PROX2: variants seen among roughly 807,000 people sequenced by gnomAD.
The protein encoded by PROX2 is prospero homeobox 2.
PROX2 carries 46 observed loss-of-function variants against 48.9 expected under a neutral mutation model. The ratio of observed to expected loss-of-function variants is 0.94; its 90% CI spans 0.74 to 1.20. The LOEUF (loss-of-function observed/expected upper bound fraction) is 1.20. PROX2 is among the 50% of genes most tolerant of loss of function. The pLI, the probability that PROX2 is intolerant of heterozygous loss-of-function variation, is 0.00. For synonymous variants in PROX2, 260 were observed against 276.6 expected (o/e 0.94, Z 0.60); for missense variants, 663 against 719.4 (o/e 0.92, Z 0.90).
chr14:74,856,762 A>G, intron 5 of PROX2, 39 bp downstream of exon 5: 1 of 1,542,204 alleles, frequency 6.5e-7, no homozygotes, highest in Non-Finnish European at 9.0e-7. Flanking sequence ...TAGGGAAGAC[A>G]CTCATCAGAT....
intron 3 of PROX2, chr14:74,861,145 AG>A: frequency 8.3e-7 from 1 of 1,206,736 alleles, no homozygotes; most frequent in Non-Finnish European, 1.1e-6. Flanking sequence ...CATGGTAATG[AG>A]CTGGTCCCAC....
In PROX2 at chr14:74,854,366, A is replaced by T. The variant is rs546407255; in HGVS notation, c.*766T>A. 7.2e-5 allele frequency: 24 copies of T among 334,402 alleles called. No homozygotes were observed. In the East Asian group the frequency reaches 2.1e-3, roughly 29 times the overall value. 20.7% of individuals were successfully genotyped at this position (334,402 alleles called of 1,614,324 possible). A position where few individuals can be genotyped will look rare whatever the true frequency, so the allele number is the denominator to read the frequency against. ...GAAGTGCTCCTAAGTGCTGGGCAGG[A>T]GTTGTCAGGTGACGGTGCCCTGTCA... On this transcript the variant is annotated 3_prime_UTR_variant, in exon 6 of 6. Transcript: ENST00000556489.
chr14:74,859,615 T>G (rs981491965), intron 3 of PROX2, among the ~76,000 whole-genome samples: 2 of 152,226 alleles, frequency 1.3e-5, no homozygotes, highest in African/African-American at 4.8e-5. Context: ...CAAATACGCT[T>G]TGCATTTTTA....
intron 2 of PROX2, among the ~76,000 whole-genome samples, chr14:74,865,912 G>A (rs1883047393): frequency 6.6e-6 from 1 of 152,112 alleles, no homozygotes; most frequent in Admixed American, 6.5e-5. Flanking sequence ...CCCTGGATAT[G>A]TTAAATTTGA....
intron 3 of PROX2, chr14:74,861,244 T>A: frequency 7.4e-7 from 1 of 1,352,206 alleles, no homozygotes. Context: ...CATCAGCTTC[T>A]GGAGATTCCC....
chr14:74,869,751 T>C (rs1461200613), intron 2 of PROX2, among the ~76,000 whole-genome samples: 1 of 152,246 alleles, frequency 6.6e-6, no homozygotes, highest in Non-Finnish European at 1.5e-5. Flanking sequence ...TTTAAATCTT[T>C]GCCGTTATGG....
intron 2 of PROX2, among the ~76,000 whole-genome samples, chr14:74,868,556 C>T (rs911463272): frequency 2.0e-5 from 3 of 151,318 alleles, no homozygotes; most frequent in African/African-American, 4.9e-5. Flanking sequence ...ATAGACAGGC[C>T]GGGCGCGGTG....
chr14:74,863,306 G>A lies in PROX2; in HGVS notation c.529C>T (p.Gln177Ter), dbSNP rs1326671929. 6.2e-7 allele frequency: 1 copy of A among 1,614,050 alleles called. No individual in the cohort carries two copies. Among genetic ancestry groups the A allele is most frequent in the East Asian group, 2.2e-5 (1 of 44,892 alleles). Reference sequence around the variant, plus strand: ...GGGCGAGGCCCACAGCCATTCCCCTGCTTTGCACTCAGAGGGCCTTTCCCC... The same window carrying A: ...GGGCGAGGCCCACAGCCATTCCCCTACTTTGCACTCAGAGGGCCTTTCCCC... ...GTGKGPLSAK[Q>*]GNGCGPRPWV... The change falls in exon 3 of 6, where the codon CAG becomes TAG. Residue 177 changes from glutamine (Q) to a stop codon, truncating the protein, a stop_gained. Transcript: ENST00000556489. LOFTEE classifies it high-confidence loss of function.
intron 2 of PROX2, among the ~76,000 whole-genome samples, chr14:74,868,334 TATATA>T (rs1883122325): frequency 7.8e-6 from 1 of 127,712 alleles, no homozygotes; most frequent in Admixed American, 7.6e-5. Flanking sequence ...TATATATATA[TATATA>T]TATATATATA....
chr14:74,862,565 C>T lies in PROX2; in HGVS notation c.1270G>A (p.Ala424Thr). 1 of 1,613,820 alleles carries T rather than the reference C, an allele frequency of 6.2e-7. No individual in the cohort carries two copies. Among genetic ancestry groups the T allele is most frequent in the Non-Finnish European group, 8.5e-7 (1 of 1,179,824 alleles). The change falls in exon 3 of 6, where the codon GCT becomes ACT. Residue 424 changes from alanine to threonine, a missense_variant. Coordinates refer to ENST00000556489, the MANE Select transcript of PROX2 (RefSeq NM_001243007.2). ...GAGAAAGGCAGTGCCTCCATGACAG[C>T]ATGCAGGCCTCTCTGTTCCATCTTC... ...SVKMEQRGLHAVMEALPFSLV... is the reference protein window; with the variant it reads ...SVKMEQRGLHTVMEALPFSLV...
intron 2 of PROX2, among the ~76,000 whole-genome samples, chr14:74,865,035 C>T (rs909823804): frequency 6.6e-6 from 1 of 151,528 alleles, no homozygotes; most frequent in African/African-American, 2.4e-5. Context: ...ATCCCAGCTA[C>T]TTGGGAGGCT....
In PROX2 at chr14:74,861,239, G is replaced by A. The variant is rs768324245; in HGVS notation, c.1305+1291C>T. ...GATATGCAACTCCATAGACTCATCA[G>A]CTTCTGGAGATTCCCCTCAAAGCTG... On this transcript the variant is annotated intron_variant, in intron 3 of 5. Transcript: ENST00000556489. 7 of 1,352,398 alleles carry A rather than the reference G, an allele frequency of 5.2e-6. No individual in the cohort carries two copies. The South Asian group carries it at 8.0e-5, about 15-fold the overall frequency. The allele number at this position is 1,352,398 out of a possible 1,614,324, so 83.8% of individuals were successfully genotyped here. A position where few individuals can be genotyped will look rare whatever the true frequency, so the allele number is the denominator to read the frequency against.
chr14:74,861,152 C>G (rs1354815635), intron 3 of PROX2: 2 of 1,271,576 alleles, frequency 1.6e-6, no homozygotes, highest in South Asian at 1.2e-5. Flanking sequence ...ATGAGCTGGT[C>G]CCACCCCATC....
intron 2 of PROX2, among the ~76,000 whole-genome samples, chr14:74,868,053 T>A (rs1883109095): frequency 1.3e-5 from 2 of 152,096 alleles, no homozygotes; most frequent in Admixed American, 1.3e-4. Context: ...ATGCTTTCTG[T>A]TTGAAAATTA....
At chr14:74,870,546 A>AT (rs975639445) in intron 2 of PROX2, among the ~76,000 whole-genome samples, 17 of 150,518 alleles carry the variant, frequency 1.1e-4, no homozygotes, top group African/African-American at 4.2e-4. Flanking sequence ...TTTTTTCTCT[A>AT]TTTTTTCTTT....
At chr14:74,875,182 C>T (rs1456667742) in intron 1 of PROX2, among the ~76,000 whole-genome samples, 1 of 152,092 alleles carries the variant, frequency 6.6e-6, no homozygotes, top group Non-Finnish European at 1.5e-5. Context: ...AAATCTTAAC[C>T]ACTTTGTTTT....
chr14:74,869,943 T>C (rs556435039), intron 2 of PROX2, among the ~76,000 whole-genome samples: 49 of 152,308 alleles, frequency 3.2e-4, no homozygotes, highest in African/African-American at 1.1e-3. Flanking sequence ...GCTAGACTCA[T>C]AAATTTATGT....
chr14:74,870,808 GGGGAGT>G (rs949139209), intron 2 of PROX2, among the ~76,000 whole-genome samples: 2 of 152,196 alleles, frequency 1.3e-5, no homozygotes, highest in Non-Finnish European at 2.9e-5. Context: ...GGGAGGCCAA[GGGGAGT>G]GGATTGCCTG....
At chr14:74,870,620 A>T (rs547435690) in intron 2 of PROX2, among the ~76,000 whole-genome samples, 2 of 152,262 alleles carry the variant, frequency 1.3e-5, no homozygotes, top group South Asian at 4.1e-4. Flanking sequence ...GAAAAAAGGC[A>T]ATCTTGCCTT....
Sources: gnomAD v4.1 joint callset for allele counts (sites outside exome capture counted in the v4.1 genomes callset) on GRCh38, gnomAD v4.1.1 for gene constraint, MANE v1.5 for transcripts, NCBI Gene and HGNC (gene_info 2026-07-23, HGNC 2026-07-21) for gene names.